Variants in CLCN5 observed in about 807,000 individuals in gnomAD.
The protein encoded by CLCN5 is Cl-/H+ antiporter 5.
CLCN5 carries 17 observed loss-of-function variants against 54.0 expected under a neutral mutation model. The ratio of observed to expected loss-of-function variants is 0.31; its 90% CI spans 0.22 to 0.47. The LOEUF (loss-of-function observed/expected upper bound fraction) is 0.47, where lower values mean the gene tolerates loss of function less well. CLCN5 is among the 20% of genes least tolerant of loss of function. CLCN5 has a pLI of 1.00. For missense variants in CLCN5, 448 were observed against 646.7 expected, an observed-to-expected ratio of 0.69 and a Z score of 3.33; for synonymous variants, 222 against 233.0, an observed-to-expected ratio of 0.95 and a Z score of 0.43.
chrX:50,002,717 G>T (rs975767710), intron 3 of CLCN5, among the ~76,000 whole-genome samples: 19 of 105,949 alleles, frequency 1.8e-4, no homozygotes, highest in Admixed American at 1.0e-4. Flanking sequence ...GTGTGTGTGT[G>T]GTGTGTGTGT....
At position 49,951,390 on chromosome X, in the gene CLCN5, G is replaced by A. The variant is rs782089439; in HGVS notation, c.16+26076G>A. ...TTCTCTAATGTTTGCATTATTAAGG[G>A]GTAAGGAACAAGGAAGCTTTTAAAC... is the stretch of plus-strand genomic sequence containing the variant. On this transcript the variant is annotated intron_variant, in intron 3 of 14. Coordinates refer to ENST00000376091, the MANE Select transcript of CLCN5 (RefSeq NM_001127898.4). 7.2e-5 allele frequency among the ~76,000 whole-genome samples: 8 copies of A among 111,832 alleles called. No homozygotes were observed. In the East Asian group the frequency reaches 2.2e-3, roughly 31 times the overall value.
At chrX:49,996,553 C>T (rs1929531043) in intron 3 of CLCN5, among the ~76,000 whole-genome samples, 1 of 112,470 alleles carries the variant, frequency 8.9e-6, no homozygotes, top group African/African-American at 3.2e-5. Context: ...TCTTCATGTC[C>T]ATCTGGACTT....
chrX:49,996,699 G>T (rs1335501699), intron 3 of CLCN5, among the ~76,000 whole-genome samples: 1 of 112,297 alleles, frequency 8.9e-6, no homozygotes, highest in Non-Finnish European at 1.9e-5. Context: ...ACAGTCAAAT[G>T]GACACATTAA....
intron 3 of CLCN5, among the ~76,000 whole-genome samples, chrX:49,978,035 G>A (rs974127117): frequency 6.3e-5 from 7 of 111,955 alleles, no homozygotes; most frequent in Non-Finnish European, 1.1e-4. Flanking sequence ...TTGGGTAAGC[G>A]GATCCCTTAA....
chrX:50,004,852 G>A (rs967446518), intron 3 of CLCN5, among the ~76,000 whole-genome samples: 1 of 111,754 alleles, frequency 8.9e-6, no homozygotes, highest in Non-Finnish European at 1.9e-5. Context: ...GGAGGTTGCA[G>A]TGAGCCAAGA....
chrX:50,059,299 A>G (rs1251214525), intron 4 of CLCN5, among the ~76,000 whole-genome samples: 3 of 111,980 alleles, frequency 2.7e-5, no homozygotes, highest in African/African-American at 9.7e-5. Context: ...AATATGATGA[A>G]TATTTTTAAA....
intron 3 of CLCN5, among the ~76,000 whole-genome samples, chrX:50,037,681 T>A (rs892851436): frequency 8.9e-6 from 1 of 111,820 alleles, no homozygotes. Flanking sequence ...GTAAAAAAAT[T>A]AAAAGATTTT....
intron 3 of CLCN5, among the ~76,000 whole-genome samples, chrX:49,961,815 A>G (rs1927609314): frequency 1.8e-5 from 2 of 111,185 alleles, no homozygotes; most frequent in South Asian, 3.8e-4. Context: ...CTTTCAGTCC[A>G]TATTTATCAT....
Position 50,086,346 on chromosome X carries a change from C to T in CLCN5, c.1033C>T (p.Leu345Phe). ...SLEEVSYYFP[L>F]KTLWRSFFAA... ...CTTCTAGGTCAGCTACTATTTTCCC[C>T]TCAAAACATTGTGGCGTTCATTCTT... The change falls in exon 11 of 15, where the codon CTC becomes TTC. Residue 345 changes from leucine (L) to phenylalanine (F), a missense_variant. Transcript: ENST00000376091. 9.1e-6 allele frequency: 11 copies of T among 1,210,189 alleles called. No individual in the cohort carries two copies. Among genetic ancestry groups the T allele is most frequent in the Non-Finnish European group, 1.2e-5 (11 of 894,519 alleles).
At chrX:49,952,660 C>T (rs1369017755) in intron 3 of CLCN5, among the ~76,000 whole-genome samples, 1 of 111,363 alleles carries the variant, frequency 9.0e-6, no homozygotes, top group Non-Finnish European at 1.9e-5. Context: ...AATGGATACT[C>T]TTATAGAATG....
chrX:49,986,929 G>C (rs782678370), intron 3 of CLCN5, among the ~76,000 whole-genome samples: 18 of 111,974 alleles, frequency 1.6e-4, no homozygotes, highest in African/African-American at 5.5e-4. Context: ...ATAATTCACA[G>C]TTTAGAAAAT....
At position 50,096,787 on chromosome X, in the gene CLCN5, T is replaced by C. The variant is rs1253283822; in HGVS notation, c.*4568T>C. ...AACATATGTTCTGGCATTTATAAAC[T>C]GCTTGATTGTGTGCCTCAAGGGGAG... On this transcript the variant is annotated 3_prime_UTR_variant, in exon 15 of 15. Coordinates refer to ENST00000376091, the MANE Select transcript of CLCN5 (RefSeq NM_001127898.4). 8.9e-6 allele frequency: 1 copy of C among 112,589 alleles called. No individual in the cohort carries two copies. The highest frequency in any genetic ancestry group is 1.9e-5 in the Non-Finnish European group (1 of 53,215). The allele number at this position is 112,589 out of a possible 1,213,427, so 9.3% of individuals were successfully genotyped here.
chrX:49,988,201 C>T (rs1929071389), intron 3 of CLCN5, among the ~76,000 whole-genome samples: 1 of 110,976 alleles, frequency 9.0e-6, no homozygotes, highest in African/African-American at 3.3e-5. Context: ...AGAAAGTTAG[C>T]GTATCTAAGC....
intron 3 of CLCN5, among the ~76,000 whole-genome samples, chrX:49,992,150 T>C (rs1218817315): frequency 9.1e-6 from 1 of 110,120 alleles, no homozygotes; most frequent in African/African-American, 3.3e-5. Flanking sequence ...AGTTGTGCCA[T>C]AGAATCTGCA....
chrX:50,015,278 G>A (rs1449960945), intron 3 of CLCN5, among the ~76,000 whole-genome samples: 1 of 110,260 alleles, frequency 9.1e-6, no homozygotes, highest in Non-Finnish European at 1.9e-5. Context: ...TCCCCTCTGA[G>A]GACAGGGAGA....
chrX:49,945,648 G>A (rs1403024327), intron 3 of CLCN5, among the ~76,000 whole-genome samples: 5 of 97,966 alleles, frequency 5.1e-5, no homozygotes, highest in Non-Finnish European at 8.1e-5. Flanking sequence ...TAGAGACGGG[G>A]TTTCACCATG....
chrX:50,048,462 C>G (rs1429083969), intron 4 of CLCN5, among the ~76,000 whole-genome samples: 1 of 112,862 alleles, frequency 8.9e-6, no homozygotes, highest in Non-Finnish European at 1.9e-5. Flanking sequence ...AATTGTTTTA[C>G]ATGGGAGATT....
Position 50,029,165 on chromosome X carries a change from T to G in CLCN5, c.17-13151T>G, listed in dbSNP as rs929275941. On this transcript the variant is annotated intron_variant, in intron 3 of 14. Transcript: ENST00000376091. ...TCCATTGCTAAACTTTCTATTCTTT[T>G]TTTTTATTTAAGTTTTAGGGTACAT... Among the ~76,000 whole-genome samples the G allele has an allele frequency of 1.1e-4, 12 of 112,264 alleles. 1 individual carries two copies. Among genetic ancestry groups the G allele is most frequent in the Non-Finnish European group, 1.9e-5 (1 of 53,249 alleles).
intron 3 of CLCN5, among the ~76,000 whole-genome samples, chrX:50,006,457 C>T (rs1930153619): frequency 8.9e-6 from 1 of 111,768 alleles, no homozygotes; most frequent in South Asian, 3.8e-4. Context: ...TTTTTGAATG[C>T]CTGTTGGATT....
Sources: allele counts gnomAD v4.1 joint callset (sites outside exome capture counted in the v4.1 genomes callset), GRCh38; gene constraint gnomAD v4.1.1; transcripts MANE v1.5; gene names NCBI Gene and HGNC (gene_info 2026-07-23, HGNC 2026-07-21).